STAB2: variants seen among roughly 807,000 people sequenced by gnomAD.
STAB2 encodes the protein stabilin 2.
In STAB2, 288 loss-of-function variants were observed where a neutral mutation model predicts 338.1. The observed-to-expected ratio is 0.85, with a 90% confidence interval of 0.77 to 0.94. The LOEUF is 0.94. Among genes scored for constraint, STAB2 ranks in the 40% least tolerant of loss-of-function variants. The pLI, the probability that STAB2 is intolerant of heterozygous loss-of-function variation, is 0.00. For missense variants in STAB2, 3,141 were observed against 3,210.1 expected (o/e 0.98, Z 0.52); for synonymous variants, 1,202 against 1,193.3 (o/e 1.01, Z -0.15).
chr12:103,753,192 TG>T, intron 60 of STAB2, 27 bp from the exon 61 acceptor site: 1 of 1,612,310 alleles, frequency 6.2e-7, no homozygotes, highest in South Asian at 1.1e-5. Context: ...TGGGCTGACC[TG>T]GGCGATTCCT....
intron 44 of STAB2, among the ~76,000 whole-genome samples, chr12:103,718,437 G>A (rs1372429475): frequency 6.6e-6 from 1 of 152,124 alleles, no homozygotes; most frequent in Admixed American, 6.5e-5. Context: ...TTGAGCAGGG[G>A]TTCATATGGG....
Position 103,759,287 on chromosome 12 carries a change from T to C in STAB2, c.7248+14T>C, listed in dbSNP as rs772530348. ...CCACTCCAACCGGTACAAAGTCTTC[T>C]GGGCTTCTTGGGGGAACGGGAGATA... is the stretch of plus-strand genomic sequence containing the variant. On this transcript the variant is annotated intron_variant, in intron 65 of 68. Transcript: ENST00000388887. 6.2e-7 allele frequency: 1 copy of C among 1,611,470 alleles called. No homozygotes were observed. Among genetic ancestry groups the C allele is most frequent in the Admixed American group, 1.7e-5 (1 of 59,456 alleles).
intron 3 of STAB2, among the ~76,000 whole-genome samples, chr12:103,600,746 A>G (rs1368162345): frequency 6.6e-6 from 1 of 152,230 alleles, no homozygotes; most frequent in Non-Finnish European, 1.5e-5. Flanking sequence ...CCATTGCAGA[A>G]TATTTGATGT....
At chr12:103,635,361 G>A (rs1032045914) in intron 6 of STAB2, among the ~76,000 whole-genome samples, 20 of 152,204 alleles carry the variant, frequency 1.3e-4, no homozygotes, top group African/African-American at 4.3e-4. Flanking sequence ...GGACTGTAGA[G>A]GAGGAAGCCG....
At chr12:103,596,732 A>G (rs1956880682) in intron 3 of STAB2, among the ~76,000 whole-genome samples, 1 of 152,140 alleles carries the variant, frequency 6.6e-6, no homozygotes, top group Admixed American at 6.5e-5. Flanking sequence ...ATCTTTTAGC[A>G]GGTTTATGCC....
intron 50 of STAB2, among the ~76,000 whole-genome samples, chr12:103,732,397 G>A (rs538815159): frequency 6.6e-6 from 1 of 152,316 alleles, no homozygotes; most frequent in East Asian, 1.9e-4. Context: ...GATTGCAGAG[G>A]AGAATAGGGA....
chr12:103,702,962 G>C (rs139958934), intron 34 of STAB2, among the ~76,000 whole-genome samples, 186 bp from the exon 35 acceptor site: 1 of 152,162 alleles, frequency 6.6e-6, no homozygotes, highest in Non-Finnish European at 1.5e-5. Flanking sequence ...GCTAGATGGC[G>C]CCAGGACTGT....
chr12:103,664,220 T>C (rs963263262), intron 18 of STAB2, among the ~76,000 whole-genome samples: 15 of 152,196 alleles, frequency 9.9e-5, no homozygotes, highest in African/African-American at 3.4e-4. Context: ...CTCTGCTCAC[T>C]GCAAGCTCTG....
intron 18 of STAB2, among the ~76,000 whole-genome samples, chr12:103,665,638 C>A (rs991044413): frequency 6.6e-6 from 1 of 152,086 alleles, no homozygotes; most frequent in African/African-American, 2.4e-5. Context: ...CCTTGTTGTC[C>A]TCCTACCCAC....
Position 103,737,600 on chromosome 12 carries a change from C to A in STAB2, c.5551-34C>A. The A allele has an allele frequency of 1.3e-5, 15 of 1,120,878 alleles. 3 individuals carry two copies. The highest frequency in any genetic ancestry group is 3.4e-5 in the East Asian group (1 of 29,480). The allele number at this position is 1,120,878 out of a possible 1,614,324, so 69.4% of individuals were successfully genotyped here. ...TCTCTCTCTCTCTCTCTCTCTCTCT[C>A]TTTCTCTTTTTTTTTTTTTTTTTTC... On this transcript the variant is annotated intron_variant, in intron 52 of 68. Transcript: ENST00000388887.
intron 3 of STAB2, among the ~76,000 whole-genome samples, chr12:103,598,603 G>A (rs934514246): frequency 2.0e-5 from 3 of 152,128 alleles, no homozygotes; most frequent in Non-Finnish European, 4.4e-5. Flanking sequence ...TGAGATGATA[G>A]AAGATGATAT....
At chr12:103,616,315 A>G (rs1293756537) in intron 3 of STAB2, among the ~76,000 whole-genome samples, 2 of 152,162 alleles carry the variant, frequency 1.3e-5, no homozygotes. Context: ...CACCAAGATG[A>G]TGGAAGTCAA....
At position 103,703,332 on chromosome 12, in the gene STAB2, A is replaced by G. The variant is rs577083963; in HGVS notation, c.3843+56A>G. ...AACTAATGAATATTGGCTTTTTTTT[A>G]TATAATTTTGGGGGCATAAGGCTTT... On this transcript the variant is annotated intron_variant, in intron 35 of 68. Transcript: ENST00000388887. 1.1e-5 allele frequency: 18 copies of G among 1,583,912 alleles called. No homozygotes were observed. The East Asian group carries it at 3.4e-4, about 30-fold the overall frequency.
In STAB2 at chr12:103,717,849, T is replaced by A; in HGVS notation, c.4683+8T>A. On this transcript the variant is annotated splice_region_variant and intron_variant, in intron 44 of 68. Coordinates refer to ENST00000388887, the MANE Select transcript of STAB2 (RefSeq NM_017564.10). ...ATCAATGTCTGCTTAACTGTGAGTA[T>A]GGCTCTAGGGTGGATATCCTTCAAG... 6.2e-7 allele frequency: 1 copy of A among 1,614,102 alleles called. No homozygotes were observed. Among genetic ancestry groups the A allele is most frequent in the Non-Finnish European group, 8.5e-7 (1 of 1,179,968 alleles).
rs772106841 is a variant in STAB2, at chr12:103,631,708, TTC to T, written c.583+16_583+17del. 1 of 1,611,498 alleles carries T rather than the reference TTC, an allele frequency of 6.2e-7. No individual in the cohort carries two copies. The highest frequency in any genetic ancestry group is 1.1e-5 in the South Asian group (1 of 91,024). ...GTGTGACAAGCGTAAGTACTGCTAG[TTC>T]CCTTAATGCCACACCAGATCAAACA... is the stretch of plus-strand genomic sequence containing the variant. On this transcript the variant is annotated intron_variant, in intron 6 of 68. Coordinates refer to ENST00000388887, the MANE Select transcript of STAB2 (RefSeq NM_017564.10).
rs116925937 is a variant in STAB2, at chr12:103,703,721, T to C, written c.3843+445T>C. ...TAAGGAAATGAATGATTTCAGTGTATTATGGAATATGATAATGGAGGCTTT... is the reference window on the plus strand; with the variant it reads ...TAAGGAAATGAATGATTTCAGTGTACTATGGAATATGATAATGGAGGCTTT... On this transcript the variant is annotated intron_variant, in intron 35 of 68. Coordinates refer to ENST00000388887, the MANE Select transcript of STAB2 (RefSeq NM_017564.10). Among the ~76,000 whole-genome samples, 1,336 of 152,296 alleles carry C rather than the reference T, an allele frequency of 8.8e-3. 7 individuals are homozygous for C. The highest frequency in any genetic ancestry group is 0.011 in the Non-Finnish European group (732 of 68,016).
At chr12:103,741,730 C>G (rs529824213) in intron 55 of STAB2, among the ~76,000 whole-genome samples, 207 of 152,372 alleles carry the variant, frequency 1.4e-3, no homozygotes, top group Non-Finnish European at 2.6e-3. Context: ...GCTAGGATTA[C>G]AGGCGTGAGC....
In STAB2 at chr12:103,685,465, T is replaced by TGTGTGTGC. The variant is rs1223011558; in HGVS notation, c.2997+385_2997+392dup. Among the ~76,000 whole-genome samples the TGTGTGTGC allele has an allele frequency of 7.8e-5, 11 of 141,510 alleles. No individual in the cohort carries two copies. The East Asian group carries it at 1.2e-3, about 15-fold the overall frequency. 92.8% of individuals were successfully genotyped at this position (141,510 alleles called of 152,430 possible). A position where few individuals can be genotyped will look rare whatever the true frequency, so the allele number is the denominator to read the frequency against. ...GTGTGTGTGTGTGTGCGCGTGCGTG[T>TGTGTGTGC]GTGTGTGCGTGCGCGCATGTGTGTG... On this transcript the variant is annotated intron_variant, in intron 27 of 68. Transcript: ENST00000388887.
chr12:103,617,190 T>A (rs999055706), intron 3 of STAB2, among the ~76,000 whole-genome samples: 3 of 152,154 alleles, frequency 2.0e-5, no homozygotes, highest in African/African-American at 7.2e-5. Flanking sequence ...TCCCAGTCCA[T>A]CAATCAGTAT....
Sources: gnomAD v4.1 joint callset for allele counts (sites outside exome capture counted in the v4.1 genomes callset) on GRCh38, gnomAD v4.1.1 for gene constraint, MANE v1.5 for transcripts, NCBI Gene and HGNC (gene_info 2026-07-23, HGNC 2026-07-21) for gene names.